The following NSUN6 variants were observed in gnomAD, a reference collection of about 807,000 sequenced individuals.
NSUN6 encodes tRNA (cytosine(72)-C(5))-methyltransferase NSUN6.
A neutral mutation model predicts 58.0 loss-of-function variants in NSUN6; 64 were observed. The observed-to-expected ratio is 1.10, with a 90% CI of 0.90 to 1.36. The LOEUF is 1.36. NSUN6 is among the 40% of genes most tolerant of loss of function. The pLI, the probability that NSUN6 is intolerant of heterozygous loss-of-function variation, is 0.00. For synonymous variants in NSUN6, 231 were observed against 193.9 expected, an observed-to-expected ratio of 1.19 and a Z score of -1.59; for missense variants, 701 against 550.1, an observed-to-expected ratio of 1.27 and a Z score of -2.74.
chr10:18,555,731 TTAGAATGGAGAATGGAA>T (rs1257428530), intron 8 of NSUN6, among the ~76,000 whole-genome samples: 5 of 123,498 alleles, frequency 4.0e-5, no homozygotes, highest in African/African-American at 1.6e-4. Flanking sequence ...GGACAATGGG[TTAGAATGGAGAATGGAA>T]TAGAATGGAG....
intron 2 of NSUN6, among the ~76,000 whole-genome samples, chr10:18,643,039 G>T (rs1334112292): frequency 1.3e-5 from 2 of 151,938 alleles, no homozygotes; most frequent in East Asian, 3.9e-4. Context: ...AAGGGAACCA[G>T]AAGATTATCA....
In NSUN6 at chr10:18,586,074, T is replaced by C. The variant is rs768788607; in HGVS notation, c.797A>G (p.Asp266Gly). 9 of 1,603,930 alleles carry C rather than the reference T, an allele frequency of 5.6e-6. No homozygotes were observed. The highest frequency in any genetic ancestry group is 1.1e-5 in the South Asian group (1 of 89,040). The stretch of plus-strand genomic sequence containing the variant: ...TTTTTCTACTTTGTTGAAGATTTTA[T>C]CCAGTGCTATAACTTCTCCCTAAAA... ...MHDQGEVIAL[D>G]KIFNKVEKIK... Residue 266 changes from aspartate to glycine, a missense_variant, in exon 8 of 11, where the codon GAT becomes GGT. Transcript: ENST00000377304.
At chr10:18,637,258 C>T (rs550782971) in intron 3 of NSUN6, among the ~76,000 whole-genome samples, 11 of 152,210 alleles carry the variant, frequency 7.2e-5, no homozygotes, top group Middle Eastern at 3.4e-3. Context: ...CCACCACGCC[C>T]GGCCTCTTTT....
At chr10:18,580,898 C>T (rs1172486398) in intron 8 of NSUN6, among the ~76,000 whole-genome samples, 5 of 152,186 alleles carry the variant, frequency 3.3e-5, no homozygotes, top group Non-Finnish European at 4.4e-5. Flanking sequence ...GCAGAGTGAT[C>T]TTGGTTGAGG....
chr10:18,643,286 A>T (rs2059442206), intron 2 of NSUN6, among the ~76,000 whole-genome samples: 1 of 151,568 alleles, frequency 6.6e-6, no homozygotes, highest in Non-Finnish European at 1.5e-5. Context: ...CCCTACACAG[A>T]ATAAAAAACA....
intron 9 of NSUN6, among the ~76,000 whole-genome samples, chr10:18,550,157 A>G (rs553602881): frequency 6.6e-6 from 1 of 152,194 alleles, no homozygotes; most frequent in Non-Finnish European, 1.5e-5. Context: ...TAGCCTTTTA[A>G]AATACCATTT....
At chr10:18,553,323 A>C (rs574911836) in intron 8 of NSUN6, among the ~76,000 whole-genome samples, 1 of 151,750 alleles carries the variant, frequency 6.6e-6, no homozygotes, top group East Asian at 2.0e-4. Flanking sequence ...GGAATGGGGA[A>C]TGGTATGGAA....
intron 3 of NSUN6, among the ~76,000 whole-genome samples, chr10:18,638,083 T>C (rs369042255): frequency 3.9e-5 from 6 of 152,232 alleles, no homozygotes; most frequent in African/African-American, 1.4e-4. Flanking sequence ...AAAACCTAAG[T>C]GAACTATCTT....
intron 3 of NSUN6, among the ~76,000 whole-genome samples, chr10:18,619,036 T>C (rs1437209706): frequency 3.9e-5 from 6 of 152,206 alleles, no homozygotes; most frequent in African/African-American, 1.2e-4. Flanking sequence ...GTTTTTATAG[T>C]CTATGCCAGA....
At chr10:18,628,153 C>T (rs541141633) in intron 3 of NSUN6, among the ~76,000 whole-genome samples, 1 of 152,180 alleles carries the variant, frequency 6.6e-6, no homozygotes, top group Admixed American at 6.5e-5. Flanking sequence ...AGACTGACAC[C>T]TCACACGGTC....
At chr10:18,628,389 A>C (rs1311083863) in intron 3 of NSUN6, among the ~76,000 whole-genome samples, 1 of 152,236 alleles carries the variant, frequency 6.6e-6, no homozygotes, top group Admixed American at 6.5e-5. Context: ...CCAGCAATGG[A>C]ACAAAGCTGG....
At chr10:18,586,919 C>G (rs948756799) in intron 7 of NSUN6, among the ~76,000 whole-genome samples, 2 of 152,114 alleles carry the variant, frequency 1.3e-5, no homozygotes, top group African/African-American at 4.8e-5. Flanking sequence ...TAGCTAGACA[C>G]AGAGCACTGA....
chr10:18,619,907 A>G (rs1191874747), intron 3 of NSUN6, among the ~76,000 whole-genome samples: 3 of 152,156 alleles, frequency 2.0e-5, no homozygotes, highest in African/African-American at 7.2e-5. Context: ...ATAACATTTC[A>G]TTAAATATTT....
chr10:18,564,221 T>A (rs1187916461), intron 8 of NSUN6, among the ~76,000 whole-genome samples: 1 of 150,962 alleles, frequency 6.6e-6, no homozygotes, highest in Non-Finnish European at 1.5e-5. Context: ...ATACATTCCA[T>A]CCACTCTCTA....
In NSUN6 at chr10:18,550,318, T is replaced by C. The variant is rs77599120; in HGVS notation, c.1071+1505A>G. 4.6e-5 allele frequency among the ~76,000 whole-genome samples: 7 copies of C among 152,294 alleles called. No homozygotes were observed. In the East Asian group the frequency reaches 1.2e-3, roughly 25 times the overall value. On this transcript the variant is annotated intron_variant, in intron 9 of 10. Coordinates refer to ENST00000377304, the MANE Select transcript of NSUN6 (RefSeq NM_182543.5). ...GAGGATGAGTTCTTCGAAGACTTCA[T>C]AGAAAAAGACGAAGTTAAATAATAC...
At chr10:18,657,848 G>T (rs1392996295), upstream of NSUN6, among the ~76,000 whole-genome samples, 1 of 151,926 alleles carries the variant, frequency 6.6e-6, no homozygotes, top group Non-Finnish European at 1.5e-5. Context: ...TCTTGACTTC[G>T]TGATCCACCC....
At chr10:18,654,213 A>G (rs2059753475), upstream of NSUN6, among the ~76,000 whole-genome samples, 1 of 152,196 alleles carries the variant, frequency 6.6e-6, no homozygotes, top group African/African-American at 2.4e-5. Context: ...CTCCTGCCTC[A>G]GCCTCCTGAG....
intron 3 of NSUN6, among the ~76,000 whole-genome samples, chr10:18,632,278 G>T (rs1052658363): frequency 2.0e-5 from 3 of 148,958 alleles, no homozygotes; most frequent in African/African-American, 7.4e-5. Flanking sequence ...AGACTTAAAC[G>T]TTAGACCTAA....
intron 9 of NSUN6, among the ~76,000 whole-genome samples, chr10:18,551,352 C>T (rs1468032647): frequency 1.3e-5 from 2 of 149,982 alleles, no homozygotes; most frequent in African/African-American, 4.9e-5. Flanking sequence ...TAATGACATT[C>T]AGTACAGTCA....
Sources: allele counts gnomAD v4.1 joint callset (sites outside exome capture counted in the v4.1 genomes callset), GRCh38; gene constraint gnomAD v4.1.1; transcripts MANE v1.5; gene names NCBI Gene and HGNC (gene_info 2026-07-23, HGNC 2026-07-21).